Variants in NEK7 observed in about 807,000 individuals in gnomAD.
NEK7 encodes the protein serine/threonine-protein kinase Nek7.
In NEK7, 18 loss-of-function variants were observed where a neutral mutation model predicts 44.6. The observed-to-expected ratio is 0.40, with a 90% CI of 0.28 to 0.60. The LOEUF is 0.60. Ranked by LOEUF, NEK7 falls within the 20% of genes least tolerant of loss-of-function variation. The probability of loss-of-function intolerance (pLI) is 0.38; values close to 1 mark genes in which losing one functional copy is unlikely to be tolerated. For missense variants in NEK7, 256 were observed against 366.5 expected (o/e 0.70, Z 2.46); for synonymous variants, 130 against 121.1 (o/e 1.07, Z -0.48).
At chr1:198,159,445 CTAAA>C (rs1375855715) in intron 1 of NEK7, among the ~76,000 whole-genome samples, 2 of 152,156 alleles carry the variant, frequency 1.3e-5, no homozygotes, top group Non-Finnish European at 2.9e-5. Flanking sequence ...GGTCAGCAGA[CTAAA>C]TATAGTCCAT....
At chr1:198,192,873 T>C (rs994998455) in intron 1 of NEK7, among the ~76,000 whole-genome samples, 14 of 151,982 alleles carry the variant, frequency 9.2e-5, no homozygotes, top group Admixed American at 7.2e-4. Context: ...AGATCTCAAA[T>C]TGACAACCTA....
intron 9 of NEK7, among the ~76,000 whole-genome samples, chr1:198,311,606 T>C (rs371521980): frequency 0.054 from 8,276 of 151,902 alleles, 415 homozygotes; most frequent in East Asian, 0.19. Context: ...TTTTGAGATA[T>C]GTCCCATCAA....
Position 198,262,577 on chromosome 1 carries a change from A to G in NEK7, c.201A>G (p.Ile67Met), listed in dbSNP as rs924775216. 2 of 1,581,654 alleles carry G rather than the reference A, an allele frequency of 1.3e-6. No individual in the cohort carries two copies. The highest frequency in any genetic ancestry group is 2.3e-5 in the East Asian group (1 of 44,422). The change falls in exon 4 of 10, where the codon ATA (isoleucine) becomes ATG (methionine). Residue 67 changes from isoleucine to methionine, a missense_variant and splice_region_variant. Coordinates refer to ENST00000367385, the MANE Select transcript of NEK7 (RefSeq NM_133494.3). ...GVPVALKKVQ[I>M]FDLMDAKARA... is the part of the protein sequence containing the mutation. ...GTAATTCTGGGTTCTGTTTTTAGAT[A>G]TTTGATTTAATGGATGCCAAAGCAC...
chr1:198,161,379 C>T (rs1167237072), intron 1 of NEK7, among the ~76,000 whole-genome samples: 1 of 152,126 alleles, frequency 6.6e-6, no homozygotes, highest in Non-Finnish European at 1.5e-5. Context: ...TAGCCAAATA[C>T]AGTATCTGAC....
At chr1:198,248,525 C>T (rs2102910497) in intron 2 of NEK7, among the ~76,000 whole-genome samples, 1 of 152,260 alleles carries the variant, frequency 6.6e-6, no homozygotes, top group Admixed American at 6.5e-5. Context: ...GAGCAGAAAG[C>T]ATATCTCATT....
intron 1 of NEK7, among the ~76,000 whole-genome samples, chr1:198,174,376 A>C (rs1466582298): frequency 6.6e-6 from 1 of 152,090 alleles, no homozygotes; most frequent in South Asian, 2.1e-4. Context: ...TTGGTAAAAA[A>C]AAAAATCTCA....
At chr1:198,163,568 T>C (rs992372446) in intron 1 of NEK7, among the ~76,000 whole-genome samples, 1 of 152,176 alleles carries the variant, frequency 6.6e-6, no homozygotes, top group African/African-American at 2.4e-5. Flanking sequence ...GTCATTTGTT[T>C]TATGCAAATA....
At chr1:198,165,926 A>G (rs1315449921) in intron 1 of NEK7, among the ~76,000 whole-genome samples, 1 of 152,238 alleles carries the variant, frequency 6.6e-6, no homozygotes, top group Non-Finnish European at 1.5e-5. Flanking sequence ...TGTAGCTTCT[A>G]CTTCAGCAAT....
intron 1 of NEK7, among the ~76,000 whole-genome samples, chr1:198,211,489 G>A (rs1203156390): frequency 2.0e-5 from 3 of 152,128 alleles, no homozygotes; most frequent in African/African-American, 7.2e-5. Context: ...TGATGTGTGT[G>A]TACACATGTG....
intron 7 of NEK7, among the ~76,000 whole-genome samples, chr1:198,291,132 G>A (rs1654539787): frequency 1.3e-5 from 2 of 152,050 alleles, no homozygotes; most frequent in Non-Finnish European, 2.9e-5. Flanking sequence ...TGTACAGCAG[G>A]TTTCCCAGAG....
chr1:198,179,819 A>ATG lies in NEK7; in HGVS notation c.-29+22557_-29+22558dup, dbSNP rs879315515. 1.8e-3 allele frequency among the ~76,000 whole-genome samples: 219 copies of ATG among 121,166 alleles called. 1 individual carries two copies. Among genetic ancestry groups the ATG allele is most frequent in the African/African-American group, 5.5e-3 (159 of 28,966 alleles). The allele number at this position is 121,166 out of a possible 152,430, so 79.5% of individuals were successfully genotyped here. ...CAGGAGTGTGTGTGTGTGTGTATGTATGTGTGTGTGTGTGTATGTGTGCAG... is the reference window on the plus strand; with the variant it reads ...CAGGAGTGTGTGTGTGTGTGTATGTATGTGTGTGTGTGTGTGTATGTGTGCAG... On this transcript the variant is annotated intron_variant, in intron 1 of 9. Coordinates refer to ENST00000367385, the MANE Select transcript of NEK7 (RefSeq NM_133494.3).
At chr1:198,241,828 A>C (rs1244433892) in intron 2 of NEK7, among the ~76,000 whole-genome samples, 1 of 152,164 alleles carries the variant, frequency 6.6e-6, no homozygotes, top group Non-Finnish European at 1.5e-5. Context: ...ATGATGCTTG[A>C]CACATAGTTA....
chr1:198,184,617 A>G (rs879307531), intron 1 of NEK7, among the ~76,000 whole-genome samples: 2 of 152,182 alleles, frequency 1.3e-5, no homozygotes, highest in Non-Finnish European at 2.9e-5. Flanking sequence ...CAATGCAACA[A>G]CCATGGCAAC....
At position 198,246,544 on chromosome 1, in the gene NEK7, C is replaced by T. The variant is rs146409801; in HGVS notation, c.58-6496C>T. On this transcript the variant is annotated intron_variant, in intron 2 of 9. Coordinates refer to ENST00000367385, the MANE Select transcript of NEK7 (RefSeq NM_133494.3). ...AAAACACCGCCCTCTGGCCCTCTTTCGCCACTCTGGCGGCCAAGCACAGGG... is the reference window on the plus strand; with the variant it reads ...AAAACACCGCCCTCTGGCCCTCTTTTGCCACTCTGGCGGCCAAGCACAGGG... Among the ~76,000 whole-genome samples the T allele has an allele frequency of 2.7e-3, 408 of 152,388 alleles. 2 individuals carry two copies. The highest frequency in any genetic ancestry group is 6.3e-3 in the Admixed American group (97 of 15,314).
chr1:198,205,747 C>T (rs1056854025), intron 1 of NEK7, among the ~76,000 whole-genome samples: 1 of 151,382 alleles, frequency 6.6e-6, no homozygotes, highest in Non-Finnish European at 1.5e-5. Context: ...AATAATGGTA[C>T]GTGGAGTCTA....
chr1:198,215,057 A>G (rs1665878232), intron 1 of NEK7, among the ~76,000 whole-genome samples: 1 of 152,208 alleles, frequency 6.6e-6, no homozygotes, highest in Non-Finnish European at 1.5e-5. Flanking sequence ...CTGACAGCCA[A>G]GAATTTTGTA....
At chr1:198,181,589 C>T (rs1263231212) in intron 1 of NEK7, among the ~76,000 whole-genome samples, 1 of 152,038 alleles carries the variant, frequency 6.6e-6, no homozygotes, top group Non-Finnish European at 1.5e-5. Context: ...AGACTTTTAT[C>T]CTCTGTATCA....
At chr1:198,233,767 G>C (rs1364247030) in intron 2 of NEK7, among the ~76,000 whole-genome samples, 2 of 104,618 alleles carry the variant, frequency 1.9e-5, no homozygotes, top group African/African-American at 7.8e-5. Context: ...TTTTTTTTTA[G>C]TGCATCTATT....
At chr1:198,269,468 A>G (rs997980987) in intron 5 of NEK7, among the ~76,000 whole-genome samples, 1 of 152,118 alleles carries the variant, frequency 6.6e-6, no homozygotes, top group African/African-American at 2.4e-5. Context: ...CAGGAAAAAA[A>G]ATCATAGGAA....
Sources: gnomAD v4.1 joint callset for allele counts (sites outside exome capture counted in the v4.1 genomes callset) on GRCh38, gnomAD v4.1.1 for gene constraint, MANE v1.5 for transcripts, NCBI Gene and HGNC (gene_info 2026-07-23, HGNC 2026-07-21) for gene names.